Variants in CNTN1 observed in about 807,000 individuals in gnomAD.
The protein encoded by CNTN1 is contactin 1.
CNTN1 carries 38 observed loss-of-function variants against 126.4 expected under a neutral mutation model. The observed-to-expected ratio is 0.30, with a 90% confidence interval of 0.23 to 0.39. CNTN1 has a LOEUF of 0.39. CNTN1 is among the 10% of genes least tolerant of loss of function. The pLI, the probability that CNTN1 is intolerant of heterozygous loss-of-function variation, is 1.00. For synonymous variants in CNTN1, 413 were observed against 422.6 expected (o/e 0.98, Z 0.28); for missense variants, 1,009 against 1,248.4 (o/e 0.81, Z 2.89).
intron 14 of CNTN1, among the ~76,000 whole-genome samples, chr12:40,948,662 G>GATTC (rs1336507091): frequency 6.6e-6 from 1 of 152,094 alleles, no homozygotes; most frequent in Non-Finnish European, 1.5e-5. Context: ...CCACCACTTT[G>GATTC]ATTCATCTTT....
chr12:40,717,447 T>C (rs1281738672), intron 1 of CNTN1, among the ~76,000 whole-genome samples: 2 of 152,216 alleles, frequency 1.3e-5, no homozygotes, highest in Non-Finnish European at 2.9e-5. Flanking sequence ...TTGATATGCA[T>C]TGGATTTCCG....
At chr12:40,895,464 C>T (rs775551199) in intron 1 of CNTN1, among the ~76,000 whole-genome samples, 20 of 152,048 alleles carry the variant, frequency 1.3e-4, no homozygotes, top group Non-Finnish European at 1.9e-4. Context: ...GTGGGGACTC[C>T]GTAGAGTCCT....
intron 1 of CNTN1, among the ~76,000 whole-genome samples, chr12:40,890,299 C>T (rs1044109881): frequency 2.0e-5 from 3 of 152,154 alleles, no homozygotes; most frequent in Non-Finnish European, 4.4e-5. Context: ...CAACATCCCG[C>T]ACCAAAGTGG....
At chr12:40,971,107 C>A (rs1056218405) in intron 15 of CNTN1, among the ~76,000 whole-genome samples, 10 of 152,150 alleles carry the variant, frequency 6.6e-5, no homozygotes, top group Admixed American at 6.6e-4. Context: ...AGTAGATAGA[C>A]TTGCACTCTG....
intron 1 of CNTN1, among the ~76,000 whole-genome samples, chr12:40,794,307 G>T (rs1359478707): frequency 6.6e-6 from 1 of 152,056 alleles, no homozygotes; most frequent in Non-Finnish European, 1.5e-5. Context: ...ATGGGGGATT[G>T]TTGGTGAAGA....
intron 1 of CNTN1, among the ~76,000 whole-genome samples, chr12:40,743,267 G>A (rs960162939): frequency 3.3e-5 from 5 of 152,058 alleles, no homozygotes; most frequent in Admixed American, 2.0e-4. Context: ...AACTTGGACA[G>A]TTAGACTTGC....
chr12:40,824,642 G>C (rs575913682), intron 1 of CNTN1, among the ~76,000 whole-genome samples: 4 of 152,064 alleles, frequency 2.6e-5, no homozygotes, highest in Non-Finnish European at 4.4e-5. Context: ...ATTTTTACGC[G>C]ATAAAACTGA....
chr12:40,776,979 A>T (rs1254078427), intron 1 of CNTN1, among the ~76,000 whole-genome samples: 1 of 151,348 alleles, frequency 6.6e-6, no homozygotes, highest in Non-Finnish European at 1.5e-5. Context: ...AATTCTTCCC[A>T]CTTATGTCCC....
intron 1 of CNTN1, among the ~76,000 whole-genome samples, chr12:40,811,102 T>C (rs1040829448): frequency 5.9e-5 from 9 of 152,236 alleles, no homozygotes; most frequent in African/African-American, 2.2e-4. Context: ...GTTGTGTTCA[T>C]TACTTGGTTA....
chr12:40,788,726 T>C (rs1393572505), intron 1 of CNTN1, among the ~76,000 whole-genome samples: 1 of 152,106 alleles, frequency 6.6e-6, no homozygotes, highest in Non-Finnish European at 1.5e-5. Flanking sequence ...GGGAAATAGA[T>C]ACCTCCTAGG....
At chr12:40,704,813 A>T (rs941295250) in intron 1 of CNTN1, among the ~76,000 whole-genome samples, 11 of 152,206 alleles carry the variant, frequency 7.2e-5, no homozygotes, top group African/African-American at 2.7e-4. Context: ...CATGCCTCAC[A>T]TCACCAGGCT....
At chr12:40,920,523 C>T (rs897850311) in intron 4 of CNTN1, among the ~76,000 whole-genome samples, 1 of 151,354 alleles carries the variant, frequency 6.6e-6, no homozygotes, top group Non-Finnish European at 1.5e-5. Context: ...GGGGAAAGAA[C>T]AGAAAAAAAA....
At chr12:40,773,747 T>C in intron 1 of CNTN1, among the ~76,000 whole-genome samples, 1 of 146,310 alleles carries the variant, frequency 6.8e-6, no homozygotes, top group Admixed American at 6.9e-5. Context: ...CTATTCTAAG[T>C]ACTTTCTGGC....
chr12:40,702,928 T>C (rs778727407), intron 1 of CNTN1, among the ~76,000 whole-genome samples: 49 of 152,234 alleles, frequency 3.2e-4, no homozygotes, highest in Non-Finnish European at 5.3e-4. Context: ...AAAAGAATGC[T>C]ACAGAAACAT....
intron 1 of CNTN1, among the ~76,000 whole-genome samples, chr12:40,770,081 A>C (rs566971681): frequency 8.9e-4 from 136 of 152,264 alleles, no homozygotes; most frequent in African/African-American, 2.9e-3. Context: ...TTGAGATTGG[A>C]GGAGCTCTAT....
chr12:40,883,989 T>C (rs1943951584), intron 1 of CNTN1, among the ~76,000 whole-genome samples: 1 of 151,556 alleles, frequency 6.6e-6, no homozygotes, highest in Non-Finnish European at 1.5e-5. Flanking sequence ...ACAAAAAATA[T>C]GCTAAGATAA....
At chr12:40,955,003 C>T (rs1369613726) in intron 14 of CNTN1, among the ~76,000 whole-genome samples, 1 of 152,022 alleles carries the variant, frequency 6.6e-6, no homozygotes, top group African/African-American at 2.4e-5. Context: ...ACTGATACCA[C>T]ATGAATCGAA....
chr12:41,063,394 C>A (rs1949982906), intron 23 of CNTN1, among the ~76,000 whole-genome samples: 1 of 152,178 alleles, frequency 6.6e-6, no homozygotes, highest in Admixed American at 6.5e-5. Context: ...AATATAATTC[C>A]TGTGTGATGG....
intron 17 of CNTN1, among the ~76,000 whole-genome samples, chr12:41,000,001 G>A (rs189168240): frequency 6.6e-6 from 1 of 151,926 alleles, no homozygotes; most frequent in East Asian, 1.9e-4. Flanking sequence ...TACCATGTCC[G>A]GCCTATTCTG....
Sources: allele counts gnomAD v4.1 joint callset (sites outside exome capture counted in the v4.1 genomes callset), GRCh38; gene constraint gnomAD v4.1.1; transcripts MANE v1.5; gene names NCBI Gene and HGNC (gene_info 2026-07-23, HGNC 2026-07-21).